The following DROSHA variants were observed in gnomAD, a reference collection of about 807,000 sequenced individuals.
The protein encoded by DROSHA is ribonuclease 3.
In DROSHA, 56 loss-of-function variants were observed where a neutral mutation model predicts 181.9. That is an observed-to-expected ratio of 0.31 (90% CI 0.25 to 0.38). The LOEUF (loss-of-function observed/expected upper bound fraction) is 0.38. Ranked by LOEUF, DROSHA falls within the 10% of genes least tolerant of loss-of-function variation. The pLI is 1.00. For missense variants in DROSHA, 1,218 were observed against 1,743.5 expected (o/e 0.70, Z 5.37); for synonymous variants, 524 against 591.2 (o/e 0.89, Z 1.65).
chr5:31,406,757 T>TA, intron 34 of DROSHA, 96 bp downstream of exon 34: 1 of 1,134,936 alleles, frequency 8.8e-7, no homozygotes. Flanking sequence ...TTCTCTGAGT[T>TA]AAAAAAGACA....
chr5:31,489,490 T>C (rs1015133439), intron 13 of DROSHA, among the ~76,000 whole-genome samples: 1 of 152,144 alleles, frequency 6.6e-6, no homozygotes, highest in Non-Finnish European at 1.5e-5. Context: ...GTAATCTCTC[T>C]CTAAGTGTCA....
chr5:31,467,968 A>G lies in DROSHA; in HGVS notation c.2337T>C (p.Pro779=), dbSNP rs138703401. 245 of 1,611,754 alleles carry G rather than the reference A, an allele frequency of 1.5e-4. 1 individual carries two copies. The East Asian group carries it at 4.7e-3, about 31-fold the overall frequency. Reference sequence around the variant, plus strand: ...GGTCTCCTGCATAACTCAACTGTGCAGGGCGTATCCCAAAGTGGACGATAA... The same window carrying G: ...GGTCTCCTGCATAACTCAACTGTGCGGGGCGTATCCCAAAGTGGACGATAA... ...FPIIVHFGIR[P]AQLSYAGDPQ... Residue 779 remains proline (P), a synonymous_variant, in exon 18 of 36, where the codon CCT becomes CCC. Transcript: ENST00000344624.
intron 12 of DROSHA, among the ~76,000 whole-genome samples, chr5:31,494,981 A>C (rs1484756087): frequency 6.6e-6 from 1 of 152,142 alleles, no homozygotes; most frequent in Non-Finnish European, 1.5e-5. Context: ...GCCACCATTC[A>C]CTAATTTTCA....
At chr5:31,491,827 C>T (rs1481864779) in intron 13 of DROSHA, among the ~76,000 whole-genome samples, 2 of 152,184 alleles carry the variant, frequency 1.3e-5, no homozygotes, top group Admixed American at 1.3e-4. Flanking sequence ...CATAGTTTCA[C>T]TCTTCTGCCC....
intron 26 of DROSHA, 69 bp from the exon 27 acceptor site, chr5:31,429,614 T>C (rs1044540152): frequency 7.2e-7 from 1 of 1,390,172 alleles, no homozygotes; most frequent in East Asian, 2.3e-5. Flanking sequence ...CATATCTCTA[T>C]AATAAAGCAA....
In DROSHA at chr5:31,464,187, T is replaced by C; in HGVS notation, c.2574+49A>G. On this transcript the variant is annotated intron_variant, in intron 20 of 35. Coordinates refer to ENST00000344624, the MANE Select transcript of DROSHA (RefSeq NM_001382508.1). Reference sequence around the variant, plus strand: ...GAAACCCTCAGTACCAGATTTGTTTTAAAGGAAGAAAAGTATGGGCATAAC... The same window carrying C: ...GAAACCCTCAGTACCAGATTTGTTTCAAAGGAAGAAAAGTATGGGCATAAC... The C allele has an allele frequency of 5.1e-6, 8 of 1,554,274 alleles. No individual in the cohort carries two copies. In the South Asian group the frequency reaches 8.0e-5, roughly 16 times the overall value.
chr5:31,419,756 A>C (rs1742440485), intron 30 of DROSHA, among the ~76,000 whole-genome samples: 1 of 152,194 alleles, frequency 6.6e-6, no homozygotes, highest in African/African-American at 2.4e-5. Flanking sequence ...ATTTCAAACT[A>C]TTTAGTTGGT....
At chr5:31,506,673 G>T (rs1354307493) in intron 10 of DROSHA, among the ~76,000 whole-genome samples, 1 of 145,636 alleles carries the variant, frequency 6.9e-6, no homozygotes, top group Admixed American at 7.0e-5. Flanking sequence ...AACAGAGCAG[G>T]AGTTTTTTTG....
intron 14 of DROSHA, 114 bp from the exon 15 acceptor site, chr5:31,485,076 A>C: frequency 1.5e-6 from 1 of 682,274 alleles, no homozygotes; most frequent in Non-Finnish European, 2.4e-6. Context: ...CTATACTAAG[A>C]CCATATAGTT....
chr5:31,404,643 GA>G (rs1231825131), intron 35 of DROSHA, among the ~76,000 whole-genome samples: 1 of 152,126 alleles, frequency 6.6e-6, no homozygotes, highest in East Asian at 1.9e-4. Flanking sequence ...GACCTCAGAA[GA>G]AAAATCCCTT....
intron 30 of DROSHA, among the ~76,000 whole-genome samples, chr5:31,417,859 TG>T (rs1262190679): frequency 6.6e-6 from 1 of 152,100 alleles, no homozygotes; most frequent in Non-Finnish European, 1.5e-5. Context: ...GACTACAGCA[TG>T]TAAAATGGAT....
chr5:31,418,177 A>G (rs1742179693), intron 30 of DROSHA, among the ~76,000 whole-genome samples: 1 of 151,954 alleles, frequency 6.6e-6, no homozygotes, highest in African/African-American at 2.4e-5. Context: ...ACTTCTTTCA[A>G]CTGGGTCTCT....
At position 31,521,211 on chromosome 5, in the gene DROSHA, G is replaced by A. The variant is rs749032311; in HGVS notation, c.859C>T (p.Arg287Ter). 17 of 1,613,160 alleles carry A rather than the reference G, an allele frequency of 1.1e-5. No individual in the cohort carries two copies. The African/African-American group carries it at 1.5e-4, about 14-fold the overall frequency. ...CGATGCCTGTGTCTCTCCCGTTCTC[G>A]CTCTCTTAAAGGAATTAATACACAG... ...RHRSYERSRERERERHRHRDN... is the reference protein window; with the variant it reads ...RHRSYERSRE Residue 287 changes from arginine to a stop codon, truncating the protein, a stop_gained, in exon 6 of 36, where the codon CGA (arginine) becomes TGA (stop). Transcript: ENST00000344624. LOFTEE classifies it high-confidence loss of function.
At chr5:31,401,867 C>T (rs1272411495) in intron 35 of DROSHA, among the ~76,000 whole-genome samples, 1 of 152,074 alleles carries the variant, frequency 6.6e-6, no homozygotes, top group African/African-American at 2.4e-5. Context: ...GGAATGTTAC[C>T]AAGCAGGTGC....
chr5:31,484,997 T>C, intron 14 of DROSHA, 35 bp from the exon 15 acceptor site: 1 of 1,440,058 alleles, frequency 6.9e-7, no homozygotes. Context: ...TACTGTAGTT[T>C]GGCAAAATAT....
At chr5:31,438,241 A>G (rs1745129451) in intron 23 of DROSHA, among the ~76,000 whole-genome samples, 1 of 152,188 alleles carries the variant, frequency 6.6e-6, no homozygotes, top group African/African-American at 2.4e-5. Flanking sequence ...CACAGACATG[A>G]CATGAAGTGA....
chr5:31,501,641 T>C (rs6893680), intron 11 of DROSHA, among the ~76,000 whole-genome samples: 19,739 of 151,084 alleles, frequency 0.13, 3,256 homozygotes, highest in African/African-American at 0.38. Flanking sequence ...ACCACAAACT[T>C]AACCAAGCAG....
chr5:31,501,020 T>C (rs1420080501), intron 11 of DROSHA, among the ~76,000 whole-genome samples: 1 of 152,220 alleles, frequency 6.6e-6, no homozygotes, highest in Non-Finnish European at 1.5e-5. Flanking sequence ...TCATGTTTTT[T>C]GGACTGAAAT....
chr5:31,464,686 C>T (rs1247615335), intron 19 of DROSHA, among the ~76,000 whole-genome samples: 1 of 151,588 alleles, frequency 6.6e-6, no homozygotes, highest in Non-Finnish European at 1.5e-5. Flanking sequence ...TATCAAGCCT[C>T]ATGTTAAGTA....
Sources: allele counts gnomAD v4.1 joint callset (sites outside exome capture counted in the v4.1 genomes callset), GRCh38; gene constraint gnomAD v4.1.1; transcripts MANE v1.5; gene names NCBI Gene and HGNC (gene_info 2026-07-23, HGNC 2026-07-21).